ITPR2: variants seen among roughly 807,000 people sequenced by gnomAD.
ITPR2 encodes inositol 1,4,5-trisphosphate receptor type 2.
In ITPR2, 207 loss-of-function variants were observed where a neutral mutation model predicts 317.1. That is an observed-to-expected ratio of 0.65 (90% CI 0.58 to 0.73). The LOEUF (loss-of-function observed/expected upper bound fraction) is 0.73, where lower values mean the gene tolerates loss of function less well. Ranked by LOEUF, ITPR2 falls within the 30% of genes least tolerant of loss-of-function variation. The probability of loss-of-function intolerance (pLI) is 0.00; values close to 1 mark genes in which losing one functional copy is unlikely to be tolerated. For synonymous variants in ITPR2, 1,156 were observed against 1,149.1 expected (o/e 1.01, Z -0.12); for missense variants, 2,613 against 3,284.0 (o/e 0.80, Z 4.99).
In ITPR2 at chr12:26,336,396, C is replaced by T. The variant is rs1263988581; in HGVS notation, c.*3001G>A. ...TAGTTCTGACGAAAGAAATATCTTC[C>T]TGATGTTATTAACAATCTACTAGAA... On this transcript the variant is annotated 3_prime_UTR_variant, in exon 57 of 57. Coordinates refer to ENST00000381340, the MANE Select transcript of ITPR2 (RefSeq NM_002223.4). 1.3e-5 allele frequency: 2 copies of T among 152,162 alleles called. No homozygotes were observed. Among genetic ancestry groups the T allele is most frequent in the Non-Finnish European group, 2.9e-5 (2 of 68,026 alleles). The allele number at this position is 152,162 out of a possible 1,614,324, so 9.4% of individuals were successfully genotyped here. A position where few individuals can be genotyped will look rare whatever the true frequency, so the allele number is the denominator to read the frequency against.
intron 55 of ITPR2, among the ~76,000 whole-genome samples, chr12:26,383,230 G>C (rs35802426): frequency 0.075 from 11,469 of 152,236 alleles, 591 homozygotes; most frequent in South Asian, 0.14. Context: ...ACCAGAAGCT[G>C]AGCAGATGCC....
intron 37 of ITPR2, 130 bp from the exon 38 acceptor site, chr12:26,495,390 T>C (rs1942910084): frequency 3.6e-6 from 2 of 556,998 alleles, no homozygotes; most frequent in Admixed American, 7.1e-5. Flanking sequence ...TTCTATCAGA[T>C]AATATTTTCT....
chr12:26,497,268 C>T (rs1218389256), intron 37 of ITPR2, among the ~76,000 whole-genome samples: 1 of 151,568 alleles, frequency 6.6e-6, no homozygotes, highest in Non-Finnish European at 1.5e-5. Flanking sequence ...ATTCTCCTGC[C>T]TCAGCCTCCA....
Position 26,796,071 on chromosome 12 carries a change from G to GCCACT in ITPR2, c.93-5845_93-5844insAGTGG, listed in dbSNP as rs532526850. On this transcript the variant is annotated intron_variant, in intron 1 of 56. Coordinates refer to ENST00000381340, the MANE Select transcript of ITPR2 (RefSeq NM_002223.4). ...TTCCACTGTTGAAGCCATATACAGT[G>GCCACT]GCACAAGCTGCACCTGCCCAGAAAT... Among the ~76,000 whole-genome samples the GCCACT allele has an allele frequency of 3.3e-5, 5 of 151,988 alleles. No homozygotes were observed. In the South Asian group the frequency reaches 1.0e-3, roughly 32 times the overall value.
intron 55 of ITPR2, 45 bp downstream of exon 55, chr12:26,387,389 A>G (rs201959794): frequency 2.9e-4 from 453 of 1,578,564 alleles, no homozygotes; most frequent in Non-Finnish European, 3.6e-4. Context: ...ATGAAAGCCT[A>G]AAAGATACAA....
At chr12:26,791,918 T>C in intron 1 of ITPR2, among the ~76,000 whole-genome samples, 1 of 152,190 alleles carries the variant, frequency 6.6e-6, no homozygotes, top group South Asian at 2.1e-4. Context: ...AAAATCATAG[T>C]CTTATTTACA....
At chr12:26,378,374 T>C (rs1017020914) in intron 55 of ITPR2, among the ~76,000 whole-genome samples, 1 of 152,140 alleles carries the variant, frequency 6.6e-6, no homozygotes, top group South Asian at 2.1e-4. Flanking sequence ...GGGAAAAGCA[T>C]GGCATTTTTG....
At chr12:26,525,230 C>T (rs555463075) in intron 37 of ITPR2, among the ~76,000 whole-genome samples, 17 of 152,278 alleles carry the variant, frequency 1.1e-4, no homozygotes, top group African/African-American at 3.1e-4. Context: ...CTCTAATATC[C>T]CTGCCAAACT....
intron 13 of ITPR2, among the ~76,000 whole-genome samples, chr12:26,675,327 G>T (rs1189243133): frequency 6.6e-6 from 1 of 152,226 alleles, no homozygotes; most frequent in African/African-American, 2.4e-5. Flanking sequence ...ACTGGATTAA[G>T]AAAATGTGGC....
intron 13 of ITPR2, among the ~76,000 whole-genome samples, chr12:26,669,923 C>G (rs984272466): frequency 6.6e-6 from 1 of 152,250 alleles, no homozygotes; most frequent in Admixed American, 6.5e-5. Context: ...GAGGGTCCTA[C>G]GCCCATGGGG....
At chr12:26,650,026 T>G (rs1045783722) in intron 21 of ITPR2, among the ~76,000 whole-genome samples, 2 of 152,214 alleles carry the variant, frequency 1.3e-5, no homozygotes, top group Admixed American at 6.5e-5. Context: ...CATGTAGTAA[T>G]TCTTCAATAC....
At chr12:26,628,646 T>C (rs955566088) in intron 22 of ITPR2, among the ~76,000 whole-genome samples, 1 of 152,164 alleles carries the variant, frequency 6.6e-6, no homozygotes, top group African/African-American at 2.4e-5. Context: ...CTATACACCA[T>C]GGATTTTCCT....
intron 1 of ITPR2, among the ~76,000 whole-genome samples, chr12:26,813,351 G>A (rs1209912585): frequency 6.6e-6 from 1 of 152,116 alleles, no homozygotes; most frequent in Non-Finnish European, 1.5e-5. Context: ...TACACATAAA[G>A]AGCCACAATT....
intron 26 of ITPR2, among the ~76,000 whole-genome samples, chr12:26,605,126 A>ATATATATATATAT (rs373595249): frequency 8.8e-5 from 12 of 136,322 alleles, no homozygotes; most frequent in Admixed American, 2.9e-4. Flanking sequence ...AAAAAATAAA[A>ATATATATATATAT]ATATATATAT....
chr12:26,366,753 T>G lies in ITPR2; in HGVS notation c.7857+20681A>C, dbSNP rs377358832. Among the ~76,000 whole-genome samples the G allele has an allele frequency of 3.9e-5, 6 of 152,304 alleles. No individual in the cohort carries two copies. The East Asian group carries it at 9.7e-4, about 25-fold the overall frequency. ...AGTCACTTCTCGAAAGGATGCCTAT[T>G]TGGTAGTTCCAAAACCATAAAAAAA... On this transcript the variant is annotated intron_variant, in intron 55 of 56. Transcript: ENST00000381340.
intron 15 of ITPR2, among the ~76,000 whole-genome samples, chr12:26,662,161 C>G (rs1311254842): frequency 3.9e-5 from 6 of 152,154 alleles, no homozygotes; most frequent in Non-Finnish European, 8.8e-5. Flanking sequence ...AATTGTGAAG[C>G]CAAAACATTT....
At chr12:26,339,955 AAGG>A (rs1938050387) in intron 56 of ITPR2, among the ~76,000 whole-genome samples, 1 of 152,252 alleles carries the variant, frequency 6.6e-6, no homozygotes, top group African/African-American at 2.4e-5. Context: ...CCTTCCATAG[AAGG>A]AGAAGTGTCG....
At chr12:26,370,714 G>A (rs1464034280) in intron 55 of ITPR2, among the ~76,000 whole-genome samples, 1 of 152,126 alleles carries the variant, frequency 6.6e-6, no homozygotes, top group African/African-American at 2.4e-5. Context: ...TTGCTCTGTT[G>A]CCCAGGCTGA....
rs13343197 is a variant in ITPR2 at position 26,643,408 on chromosome 12, C to T, written c.2740+10568G>A. Among the ~76,000 whole-genome samples the T allele has an allele frequency of 4.4e-3, 673 of 152,282 alleles. 2 individuals are homozygous for T. Among genetic ancestry groups the T allele is most frequent in the African/African-American group, 0.016 (655 of 41,542 alleles). On this transcript the variant is annotated intron_variant, in intron 21 of 56. Transcript: ENST00000381340. ...TAGAGGCTGGAAGAGTTTTCATGTG[C>T]ATCCAAGAAAAAGCCAACATTGCCA... is the stretch of plus-strand genomic sequence containing the variant.
Sources: allele counts gnomAD v4.1 joint callset (sites outside exome capture counted in the v4.1 genomes callset), GRCh38; gene constraint gnomAD v4.1.1; transcripts MANE v1.5; gene names NCBI Gene and HGNC (gene_info 2026-07-23, HGNC 2026-07-21).